Variants in ZNF415 observed in about 807,000 individuals in gnomAD.
The protein encoded by ZNF415 is zinc finger protein 415.
A neutral mutation model predicts 7.3 loss-of-function variants in ZNF415; 5 were observed. The ratio of observed to expected loss-of-function variants is 0.69; its 90% CI spans 0.36 to 1.44. The LOEUF is 1.44. Among genes scored for constraint, ZNF415 ranks in the 40% most tolerant of loss-of-function variants. The pLI is 0.04. For missense variants in ZNF415, 628 were observed against 664.8 expected, an observed-to-expected ratio of 0.94 and a Z score of 0.61; for synonymous variants, 207 against 226.3, an observed-to-expected ratio of 0.91 and a Z score of 0.77.
chr19:53,129,619 T>C (rs113860344), intron 1 of ZNF415: 119 of 399,522 alleles, frequency 3.0e-4, no homozygotes, highest in African/African-American at 2.0e-3. Context: ...CTGTTACAGG[T>C]GGGCTCACTG....
In ZNF415 at chr19:53,109,878, A is replaced by G; in HGVS notation, c.167T>C (p.Leu56Pro). The change falls in exon 4 of 4, where the codon CTA (leucine) becomes CCA (proline). Residue 56 changes from leucine (L) to proline (P), a missense_variant. By Grantham distance (98) the Leu-to-Pro change is moderately conservative. Coordinates refer to ENST00000243643, the MANE Select transcript of ZNF415 (RefSeq NM_018355.4). The stretch of plus-strand genomic sequence containing the variant: ...TGGGTTACCTTCCTGTTGTGGTGCT[A>G]GTTCCTTGATTACACAGTTACGAGA... ...DLSRNCVIKE[L>P]APQQEGNPGE... is the part of the protein sequence containing the mutation. 6.2e-7 allele frequency: 1 copy of G among 1,600,200 alleles called. No homozygotes were observed.
chr19:53,109,937 A>T, intron 3 of ZNF415, 29 bp from the exon 4 acceptor site: 1 of 1,498,492 alleles, frequency 6.7e-7, no homozygotes. Flanking sequence ...ATAGGTTTCC[A>T]ATTAATTAGA....
Position 53,109,836 on chromosome 19 carries a change from G to A in ZNF415, c.209C>T (p.Thr70Ile). ...TTTTTCATGTTGTTCCAATGTCACTGTGTGGAATACTTCTCCTGGGTTACC... is the reference window on the plus strand; with the variant it reads ...TTTTTCATGTTGTTCCAATGTCACTATGTGGAATACTTCTCCTGGGTTACC... Reference protein sequence around the residue: ...QEGNPGEVFHTVTLEQHEKHD... With the variant: ...QEGNPGEVFHIVTLEQHEKHD... The change falls in exon 4 of 4, where the codon ACA becomes ATA. Residue 70 changes from threonine (T) to isoleucine (I), a missense_variant. Coordinates refer to ENST00000243643, the MANE Select transcript of ZNF415 (RefSeq NM_018355.4). 1 of 1,613,386 alleles carries A rather than the reference G, an allele frequency of 6.2e-7. No homozygotes were observed. Among genetic ancestry groups the A allele is most frequent in the Non-Finnish European group, 8.5e-7 (1 of 1,179,828 alleles).
intron 1 of ZNF415, among the ~76,000 whole-genome samples, chr19:53,123,134 T>A (rs2088415831): frequency 6.6e-6 from 1 of 152,054 alleles, no homozygotes. Flanking sequence ...TGTTGGGCAC[T>A]GTATTATCGA....
chr19:53,113,797 C>T (rs1176893423), intron 3 of ZNF415, among the ~76,000 whole-genome samples: 1 of 152,228 alleles, frequency 6.6e-6, no homozygotes, highest in Non-Finnish European at 1.5e-5. Flanking sequence ...CTAGGAGAAA[C>T]TCCCACACCA....
chr19:53,129,869 G>C (rs1006700215), intron 1 of ZNF415, among the ~76,000 whole-genome samples: 1 of 152,126 alleles, frequency 6.6e-6, no homozygotes, highest in Admixed American at 6.5e-5. Context: ...TTTGAGACCA[G>C]CCTGGCCAAC....
chr19:53,122,627 G>C, intron 2 of ZNF415, 35 bp downstream of exon 2: 5 of 1,613,870 alleles, frequency 3.1e-6, no homozygotes, highest in South Asian at 1.1e-5. Context: ...CTGAAAAGAG[G>C]GAGACAGAAT....
intron 2 of ZNF415, among the ~76,000 whole-genome samples, chr19:53,117,852 T>C (rs73935240): frequency 0.022 from 3,421 of 152,282 alleles, 119 homozygotes; most frequent in African/African-American, 0.077. Flanking sequence ...TAAATGTTAC[T>C]ATTATAGAAA....
At chr19:53,117,370 G>A (rs1350450046) in intron 2 of ZNF415, among the ~76,000 whole-genome samples, 1 of 150,722 alleles carries the variant, frequency 6.6e-6, no homozygotes, top group Non-Finnish European at 1.5e-5. Flanking sequence ...GAATCTGGGA[G>A]GTGGAGGTTG....
chr19:53,110,212 C>T (rs992487753), intron 3 of ZNF415, among the ~76,000 whole-genome samples: 2 of 152,130 alleles, frequency 1.3e-5, no homozygotes, highest in East Asian at 3.9e-4. Context: ...CAGCAAAGTA[C>T]ACACCAATTG....
In ZNF415 at chr19:53,113,521, A is replaced by C. The variant is rs1243289610; in HGVS notation, c.136+2792T>G. 5.5e-4 allele frequency among the ~76,000 whole-genome samples: 15 copies of C among 27,312 alleles called. 3 individuals are homozygous for C. Among genetic ancestry groups the C allele is most frequent in the African/African-American group, 2.0e-3 (15 of 7,690 alleles). 17.9% of individuals were successfully genotyped at this position (27,312 alleles called of 152,430 possible). ...AACTCCGTCTCAAAAAAAAAAAAAA[A>C]AAAAAAAAAAAAACCGAGGCATTAC... On this transcript the variant is annotated intron_variant, in intron 3 of 3. Transcript: ENST00000243643.
chr19:53,123,790 T>TA, intron 1 of ZNF415: 1 of 385,360 alleles, frequency 2.6e-6, no homozygotes. Flanking sequence ...TTAACCCACT[T>TA]ACAATGTAAA....
chr19:53,110,924 C>T (rs2086134346), intron 3 of ZNF415, among the ~76,000 whole-genome samples: 1 of 152,200 alleles, frequency 6.6e-6, no homozygotes, highest in South Asian at 2.1e-4. Flanking sequence ...CCTAGTTCAT[C>T]AGCCACACAA....
chr19:53,113,260 G>C lies in ZNF415; in HGVS notation c.136+3053C>G, dbSNP rs560584742. On this transcript the variant is annotated intron_variant, in intron 3 of 3. Transcript: ENST00000243643. ...GCGGTGGCTCACGCCTGTAATCCCA[G>C]CACTTTGGGAGGCCGAGACGGGCGG... Among the ~76,000 whole-genome samples, 245 of 28,100 alleles carry C rather than the reference G, an allele frequency of 8.7e-3. 100 individuals carry two copies. In the Admixed American group the frequency reaches 0.11, roughly 13 times the overall value. 18.4% of individuals were successfully genotyped at this position (28,100 alleles called of 152,430 possible).
At chr19:53,113,611 C>T (rs2086583271) in intron 3 of ZNF415, among the ~76,000 whole-genome samples, 1 of 152,104 alleles carries the variant, frequency 6.6e-6, no homozygotes, top group African/African-American at 2.4e-5. Flanking sequence ...TTCACAAGCT[C>T]CCTCCACAAG....
At position 53,122,685 on chromosome 19, in the gene ZNF415, C is replaced by T. The variant is rs1344929903; in HGVS notation, c.-9G>A. ...ACCTGAGTAAAAGCCATTCCTGACT[C>T]CTTTGCTCTCCTCTTCTGGGTTTCT... On this transcript the variant is annotated 5_prime_UTR_variant, in exon 2 of 4. Coordinates refer to ENST00000243643, the MANE Select transcript of ZNF415 (RefSeq NM_018355.4). 2.5e-6 allele frequency: 4 copies of T among 1,614,166 alleles called. No individual in the cohort carries two copies. The highest frequency in any genetic ancestry group is 1.1e-5 in the South Asian group (1 of 91,074).
intron 1 of ZNF415, among the ~76,000 whole-genome samples, chr19:53,126,257 G>T (rs900514179): frequency 2.6e-5 from 4 of 151,346 alleles, no homozygotes; most frequent in Admixed American, 2.0e-4. Context: ...TTACCAACCT[G>T]TGGAAGGGCA....
intron 1 of ZNF415, chr19:53,123,856 C>A (rs1006305588): frequency 2.3e-5 from 7 of 307,588 alleles, no homozygotes; most frequent in Non-Finnish European, 4.1e-5. Context: ...CTGAGATGTG[C>A]AGGACTGCAG....
chr19:53,118,538 A>G (rs1277169881), intron 2 of ZNF415, among the ~76,000 whole-genome samples: 3 of 152,220 alleles, frequency 2.0e-5, no homozygotes, highest in Admixed American at 6.5e-5. Context: ...GACAGACTAC[A>G]TATTAGAACA....
Sources: gnomAD v4.1 joint callset for allele counts (sites outside exome capture counted in the v4.1 genomes callset) on GRCh38, gnomAD v4.1.1 for gene constraint, MANE v1.5 for transcripts, NCBI Gene and HGNC (gene_info 2026-07-23, HGNC 2026-07-21) for gene names.